Variants in MAPK6 observed in about 807,000 individuals in gnomAD.
MAPK6 encodes the protein ERK-3.
A neutral mutation model predicts 59.3 loss-of-function variants in MAPK6; 19 were observed. That is an observed-to-expected ratio of 0.32 (90% CI 0.22 to 0.47). MAPK6 has a LOEUF of 0.47. MAPK6 is among the 20% of genes least tolerant of loss of function. The pLI is 1.00. For synonymous variants in MAPK6, 316 were observed against 290.3 expected, an observed-to-expected ratio of 1.09 and a Z score of -0.90; for missense variants, 724 against 847.9, an observed-to-expected ratio of 0.85 and a Z score of 1.81.
upstream of MAPK6, among the ~76,000 whole-genome samples, chr15:52,016,066 G>GCACA (rs926833047): frequency 5.4e-3 from 241 of 44,368 alleles, no homozygotes; most frequent in South Asian, 0.014. Context: ...GCGCGCGCGC[G>GCACA]CGCGCACACA....
At chr15:52,007,802 A>G (rs1305957361) in intron 3 of MAPK6, among the ~76,000 whole-genome samples, 2 of 151,712 alleles carry the variant, frequency 1.3e-5, no homozygotes, top group Non-Finnish European at 2.9e-5. Flanking sequence ...TATTACCAGA[A>G]TAGTATAAAA....
chr15:52,038,156 G>GAAAAA (rs35579384), intron 1 of MAPK6, among the ~76,000 whole-genome samples: 4 of 145,274 alleles, frequency 2.8e-5, no homozygotes, highest in African/African-American at 1.0e-4. Flanking sequence ...GCTCAAGATT[G>GAAAAA]AAAAAAAAAA....
intron 2 of MAPK6, among the ~76,000 whole-genome samples, chr15:51,990,954 AAAACAAAC>A (rs1204072267): frequency 6.6e-6 from 1 of 151,794 alleles, no homozygotes; most frequent in South Asian, 2.1e-4. Flanking sequence ...ACTCTGTCTC[AAAACAAAC>A]AAACAAACAA....
intron 2 of MAPK6, among the ~76,000 whole-genome samples, chr15:52,003,954 C>T (rs1454636354): frequency 6.6e-6 from 1 of 152,250 alleles, no homozygotes; most frequent in Non-Finnish European, 1.5e-5. Context: ...CTCACATTTA[C>T]ACTGGCCTTT....
chr15:51,993,358 G>A (rs181189632), intron 2 of MAPK6, among the ~76,000 whole-genome samples: 1 of 152,218 alleles, frequency 6.6e-6, no homozygotes, highest in East Asian at 1.9e-4. Flanking sequence ...CGCTACATCA[G>A]GAACTGCAAA....
At chr15:52,021,362 T>A (rs1033845270) in intron 1 of MAPK6, 1 of 6,612 alleles carries the variant, frequency 1.5e-4, no homozygotes, top group African/African-American at 4.9e-4. Flanking sequence ...GCTACGTGGC[T>A]TTTTTTTTTT....
chr15:51,982,528 T>TA (rs1219292258), intron 1 of MAPK6, among the ~76,000 whole-genome samples: 1 of 152,172 alleles, frequency 6.6e-6, no homozygotes, highest in Non-Finnish European at 1.5e-5. Context: ...ACTATACACT[T>TA]ACTAATTTTT....
intron 1 of MAPK6, among the ~76,000 whole-genome samples, chr15:51,977,846 A>C (rs769514948): frequency 6.6e-6 from 1 of 151,808 alleles, no homozygotes; most frequent in Non-Finnish European, 1.5e-5. Flanking sequence ...CCCAGCCACC[A>C]TTTGGATGCC....
Position 52,038,178 on chromosome 15 carries a change from T to C in MAPK6, c.-631-7652T>C, listed in dbSNP as rs542751262. Among the ~76,000 whole-genome samples the C allele has an allele frequency of 3.3e-5, 5 of 149,622 alleles. No homozygotes were observed. In the South Asian group the frequency reaches 8.4e-4, roughly 25 times the overall value. On this transcript the variant is annotated intron_variant, in intron 1 of 5. Coordinates refer to ENST00000261845, the MANE Select transcript of MAPK6 (RefSeq NM_002748.4). ...ATTGAAAAAAAAAAAAAAATTGACC[T>C]CTGCTATAGCTTAATGCCTAAAACA... is the stretch of plus-strand genomic sequence containing the variant.
intron 2 of MAPK6, among the ~76,000 whole-genome samples, chr15:51,991,021 A>T (rs1419647511): frequency 6.6e-6 from 1 of 151,944 alleles, no homozygotes; most frequent in Non-Finnish European, 1.5e-5. Flanking sequence ...CTAGCTACTC[A>T]GGAGGCTGAG....
chr15:51,980,892 A>C (rs1196007381), intron 1 of MAPK6, among the ~76,000 whole-genome samples: 1 of 151,084 alleles, frequency 6.6e-6, no homozygotes, highest in Non-Finnish European at 1.5e-5. Context: ...GCACCCAGCC[A>C]CAAAAGCTAT....
intron 1 of MAPK6, among the ~76,000 whole-genome samples, chr15:51,979,231 A>AAAGG (rs994059887): frequency 3.4e-4 from 51 of 151,496 alleles, no homozygotes; most frequent in Non-Finnish European, 6.0e-4. Context: ...AAGAGAAAGA[A>AAAGG]AAGGAAGGAA....
intron 2 of MAPK6, among the ~76,000 whole-genome samples, chr15:51,997,068 C>T (rs1156730602): frequency 1.3e-5 from 2 of 152,070 alleles, no homozygotes; most frequent in East Asian, 1.9e-4. Flanking sequence ...CAACGTCTGC[C>T]TCCCAGGTTC....
intron 3 of MAPK6, among the ~76,000 whole-genome samples, chr15:52,057,628 T>A (rs1241990743): frequency 6.6e-6 from 1 of 152,018 alleles, no homozygotes; most frequent in Non-Finnish European, 1.5e-5. Flanking sequence ...TACTGCAACC[T>A]CCTCCTCCAG....
chr15:51,990,643 G>A (rs1017026398), intron 2 of MAPK6, among the ~76,000 whole-genome samples: 4 of 151,730 alleles, frequency 2.6e-5, no homozygotes, highest in East Asian at 1.9e-4. Flanking sequence ...TGGAGAAACC[G>A]TGTCTCTACT....
intron 1 of MAPK6, among the ~76,000 whole-genome samples, 187 bp downstream of exon 1, chr15:52,019,563 TCGCCCGCCTGCC>T (rs1402795368): frequency 1.4e-5 from 2 of 145,668 alleles, no homozygotes; most frequent in South Asian, 2.1e-4. Flanking sequence ...CGCCCCCTGC[TCGCCCGCCTGCC>T]CGCCCGCTCG....
intron 1 of MAPK6, among the ~76,000 whole-genome samples, chr15:52,032,012 T>C (rs1321315004): frequency 6.6e-6 from 1 of 151,574 alleles, no homozygotes; most frequent in East Asian, 1.9e-4. Context: ...GCCATTCTTC[T>C]GCAGCGCCCA....
intron 3 of MAPK6, among the ~76,000 whole-genome samples, chr15:52,052,036 A>G (rs776419324): frequency 1.1e-4 from 17 of 152,206 alleles, no homozygotes; most frequent in Middle Eastern, 3.2e-3. Context: ...TATATAAACA[A>G]TTCTGTTTGT....
At position 52,036,383 on chromosome 15, in the gene MAPK6, A is replaced by G. The variant is rs371327954; in HGVS notation, c.-631-9447A>G. On this transcript the variant is annotated intron_variant, in intron 1 of 5. Transcript: ENST00000261845. The stretch of plus-strand genomic sequence containing the variant: ...ACCTGAGACTGGGTAATTTATAAAG[A>G]AGAGAAATTTATTTCTTACAGTTCT... Among the ~76,000 whole-genome samples the G allele has an allele frequency of 1.3e-4, 20 of 152,274 alleles. 1 individual carries two copies. The East Asian group carries it at 2.3e-3, about 18-fold the overall frequency.
Sources: allele counts gnomAD v4.1 joint callset (sites outside exome capture counted in the v4.1 genomes callset), GRCh38; gene constraint gnomAD v4.1.1; transcripts MANE v1.5; gene names NCBI Gene and HGNC (gene_info 2026-07-23, HGNC 2026-07-21).